Variants in IPO9 observed in about 807,000 individuals in gnomAD.
The protein encoded by IPO9 is importin-9.
A neutral mutation model predicts 128.6 loss-of-function variants in IPO9; 28 were observed. The observed-to-expected ratio is 0.22, with a 90% CI of 0.16 to 0.30. The LOEUF (loss-of-function observed/expected upper bound fraction) is 0.30. Among genes scored for constraint, IPO9 ranks in the 10% least tolerant of loss-of-function variants. IPO9 has a pLI of 1.00. For synonymous variants in IPO9, 455 were observed against 475.8 expected, an observed-to-expected ratio of 0.96 and a Z score of 0.57; for missense variants, 935 against 1,293.9, an observed-to-expected ratio of 0.72 and a Z score of 4.26.
chr1:201,848,094 A>G (rs539788316), intron 3 of IPO9, among the ~76,000 whole-genome samples: 13 of 152,334 alleles, frequency 8.5e-5, no homozygotes, highest in Admixed American at 5.2e-4. Flanking sequence ...AACAATAGCT[A>G]CTAGCTGCAT....
In IPO9 at chr1:201,874,340, C is replaced by T; in HGVS notation, c.2801C>T (p.Ala934Val). ...ELSNVMEANAARQATPAEWSQ... is the reference protein window; with the variant it reads ...ELSNVMEANAVRQATPAEWSQ... ...TCCAACGTCATGGAGGCTAATGCCG[C>T]TCGCCAGGCCACTCCTGCAGAGTGG... Residue 934 changes from alanine (A) to valine (V), a missense_variant, in exon 21 of 24, where the codon GCT becomes GTT. This residue lies in a region of IPO9 where 188 missense variants were observed against 246.7 expected (regional missense o/e 0.76). Coordinates refer to ENST00000361565, the MANE Select transcript of IPO9 (RefSeq NM_018085.5). The T allele has an allele frequency of 6.2e-7, 1 of 1,614,080 alleles. No homozygotes were observed. Among genetic ancestry groups the T allele is most frequent in the Non-Finnish European group, 8.5e-7 (1 of 1,179,994 alleles).
chr1:201,870,651 G>A lies in IPO9; in HGVS notation c.2202G>A (p.Glu734=), dbSNP rs1366774243. The change falls in exon 18 of 24, where the codon GAG becomes GAA. Residue 734 remains glutamate (E), a synonymous_variant. Coordinates refer to ENST00000361565, the MANE Select transcript of IPO9 (RefSeq NM_018085.5). The surrounding 1 kb of genome is among the most constrained non-coding windows in gnomAD (Gnocchi z 4.9). ...AACAAGTAGCCCAGTGGCATGATGA[G>A]CAGGGCCACAATGGACTGTGGTATG... ...TLEQVAQWHD[E]QGHNGLWYVM... The A allele has an allele frequency of 1.9e-6, 3 of 1,614,098 alleles. No individual in the cohort carries two copies. Among genetic ancestry groups the A allele is most frequent in the South Asian group, 2.2e-5 (2 of 91,092 alleles).
At position 201,870,442 on chromosome 1, in the gene IPO9, G is replaced by C; in HGVS notation, c.2134-141G>C. ...TAACAGTAAATGTCTTAACTCCAGT[G>C]GTATGAGCCCACCACAAACATTATA... On this transcript the variant is annotated intron_variant, in intron 17 of 23. Coordinates refer to ENST00000361565, the MANE Select transcript of IPO9 (RefSeq NM_018085.5). The surrounding 1 kb of genome is among the most constrained non-coding windows in gnomAD (Gnocchi z 4.9). 1 of 848,558 alleles carries C rather than the reference G, an allele frequency of 1.2e-6. No homozygotes were observed. The highest frequency in any genetic ancestry group is 1.8e-6 in the Non-Finnish European group (1 of 562,456). 52.6% of individuals were successfully genotyped at this position (848,558 alleles called of 1,614,324 possible).
At chr1:201,863,412 A>C in intron 13 of IPO9, 36 bp from the exon 14 acceptor site, 1 of 1,508,270 alleles carries the variant, frequency 6.6e-7, no homozygotes, top group Non-Finnish European at 9.0e-7. Context: ...AGGAATTTTC[A>C]TTTTCCAGCC....
rs1414685152 is a variant in IPO9, at chr1:201,883,729, C to T, written c.*7675C>T. The stretch of plus-strand genomic sequence containing the variant: ...AACAAACCAGGTAGCAGGATAGAGA[C>T]TCATTCTCATCTATTTTGGTTAAAA... On this transcript the variant is annotated 3_prime_UTR_variant, in exon 24 of 24. Coordinates refer to ENST00000361565, the MANE Select transcript of IPO9 (RefSeq NM_018085.5). 1 of 152,238 alleles carries T rather than the reference C, an allele frequency of 6.6e-6. No homozygotes were observed. The highest frequency in any genetic ancestry group is 2.4e-5 in the African/African-American group (1 of 41,464). 9.4% of individuals were successfully genotyped at this position (152,238 alleles called of 1,614,324 possible).
Position 201,872,888 on chromosome 1 carries a change from G to A in IPO9, c.2637G>A (p.Gln879=), listed in dbSNP as rs1297623571. 6.2e-7 allele frequency: 1 copy of A among 1,613,784 alleles called. No homozygotes were observed. The highest frequency in any genetic ancestry group is 8.5e-7 in the Non-Finnish European group (1 of 1,179,968). Residue 879 remains glutamine (Q), a synonymous_variant, in exon 20 of 24, where the codon CAG becomes CAA. Transcript: ENST00000361565. ...HGINADDKRL[Q]DIRVKGEEIY... is the part of the protein sequence containing the mutation. ...TCAATGCAGATGACAAACGGCTACA[G>A]GATATCCGTGTGAAGGGAGAGGAGA...
chr1:201,857,306 T>A (rs1406557406), intron 11 of IPO9, 112 bp downstream of exon 11: 2 of 698,574 alleles, frequency 2.9e-6, no homozygotes, highest in African/African-American at 3.6e-5. Flanking sequence ...TGGCTTTATC[T>A]CAGACTTTAT....
chr1:201,857,113 C>G lies in IPO9; in HGVS notation c.1140C>G (p.Ala380=), dbSNP rs1471149443. ...CTTTTCAGATTAAAGTATGGACAGC[C>G]AACCCCCAACAATTTGTAGAAGATG... The part of the protein sequence containing the change: ...ITEEQIKVWT[A]NPQQFVEDED... Residue 380 remains alanine (A), a synonymous_variant, in exon 11 of 24, where the codon GCC becomes GCG. Transcript: ENST00000361565. 1 of 1,610,650 alleles carries G rather than the reference C, an allele frequency of 6.2e-7. No individual in the cohort carries two copies. The highest frequency in any genetic ancestry group is 2.2e-5 in the East Asian group (1 of 44,860).
At chr1:201,867,801 G>A (rs1030813958) in intron 15 of IPO9, among the ~76,000 whole-genome samples, 4 of 151,928 alleles carry the variant, frequency 2.6e-5, no homozygotes, top group Admixed American at 6.6e-5. Context: ...AAGATGTACA[G>A]GATAAGGATT....
At chr1:201,867,370 A>G (rs540860215) in intron 15 of IPO9, among the ~76,000 whole-genome samples, 42 of 152,306 alleles carry the variant, frequency 2.8e-4, no homozygotes, top group Non-Finnish European at 5.1e-4. Flanking sequence ...GGTATTCACT[A>G]GATATTTTTT....
In IPO9 at chr1:201,840,610, TAAAAC is replaced by T. The variant is rs571386585; in HGVS notation, c.164-6664_164-6660del. Among the ~76,000 whole-genome samples the T allele has an allele frequency of 1.4e-3, 213 of 152,248 alleles. 1 individual carries two copies. Among genetic ancestry groups the T allele is most frequent in the Non-Finnish European group, 2.4e-3 (162 of 68,024 alleles). ...ATATTATTCACTGCAGCATTTTTAT[TAAAAC>T]AAAATATTAGAAAAAAACTAACTGT... On this transcript the variant is annotated intron_variant, in intron 1 of 23. Coordinates refer to ENST00000361565, the MANE Select transcript of IPO9 (RefSeq NM_018085.5).
In IPO9 at chr1:201,829,250, C is replaced by T. The variant is rs1301364427; in HGVS notation, c.41C>T (p.Pro14Leu). The T allele has an allele frequency of 6.3e-7, 1 of 1,583,848 alleles. No homozygotes were observed. Among genetic ancestry groups the T allele is most frequent in the African/African-American group, 1.4e-5 (1 of 72,168 alleles). The change falls in exon 1 of 24, where the codon CCG becomes CTG. Residue 14 changes from proline (P) to leucine (L), a missense_variant. Transcript: ENST00000361565. ...AAAAGAASGLPGPVAQGLKEA... is the reference protein window; with the variant it reads ...AAAAGAASGLLGPVAQGLKEA... ...GCAGCTGGTGCGGCCTCCGGGCTGC[C>T]GGGTCCAGTGGCACAAGGATTAAAG... is the stretch of plus-strand genomic sequence containing the variant.
intron 20 of IPO9, 38 bp from the exon 21 acceptor site, chr1:201,874,212 G>A (rs1222396487): frequency 1.9e-6 from 3 of 1,610,448 alleles, no homozygotes; most frequent in Non-Finnish European, 2.5e-6. Flanking sequence ...AGTAAGCTCA[G>A]TGACACTCTG....
intron 1 of IPO9, among the ~76,000 whole-genome samples, chr1:201,843,783 G>A (rs1467546586): frequency 6.7e-6 from 1 of 149,082 alleles, no homozygotes; most frequent in Non-Finnish European, 1.5e-5. Context: ...AACTGAGATA[G>A]CGCCACTGCA....
In IPO9 at chr1:201,871,064, T is replaced by C; in HGVS notation, c.2410-97T>C. ...CTTGTCCTGTGGATAATACCCTCAG[T>C]GTAGACTGTATTTCTTATCTGACTG... is the stretch of plus-strand genomic sequence containing the variant. On this transcript the variant is annotated intron_variant, in intron 18 of 23. Transcript: ENST00000361565. The C allele has an allele frequency of 2.3e-6, 3 of 1,320,332 alleles. No individual in the cohort carries two copies. In the East Asian group the frequency reaches 6.9e-5, roughly 31 times the overall value. The allele number at this position is 1,320,332 out of a possible 1,614,324, so 81.8% of individuals were successfully genotyped here. A position where few individuals can be genotyped will look rare whatever the true frequency, so the allele number is the denominator to read the frequency against.
rs777132020 is a variant in IPO9 at position 201,859,185 on chromosome 1, ATATATATAT to A, written c.1468+192_1468+200del. On this transcript the variant is annotated intron_variant, in intron 13 of 23. Transcript: ENST00000361565. ...TACCCTAGAACTCAAAGTATAATAT[ATATATATAT>A]ATATATATATATAAAGGAAACTCTT... Among the ~76,000 whole-genome samples the A allele has an allele frequency of 1.9e-3, 255 of 132,764 alleles. 7 individuals are homozygous for A. The highest frequency in any genetic ancestry group is 2.9e-3 in the Admixed American group (39 of 13,388). 87.1% of individuals were successfully genotyped at this position (132,764 alleles called of 152,430 possible).
At position 201,882,552 on chromosome 1, in the gene IPO9, T is replaced by C. The variant is rs984935555; in HGVS notation, c.*6498T>C. 6.6e-6 allele frequency: 1 copy of C among 151,766 alleles called. No homozygotes were observed. The highest frequency in any genetic ancestry group is 2.4e-5 in the African/African-American group (1 of 41,268). The allele number at this position is 151,766 out of a possible 1,614,324, so 9.4% of individuals were successfully genotyped here. On this transcript the variant is annotated 3_prime_UTR_variant, in exon 24 of 24. Coordinates refer to ENST00000361565, the MANE Select transcript of IPO9 (RefSeq NM_018085.5). Reference sequence around the variant, plus strand: ...CATTCCAGTTTTTTCCTTTTTTGAGTAACTGGGAAAAGGGTGGCATTACTG... The same window carrying C: ...CATTCCAGTTTTTTCCTTTTTTGAGCAACTGGGAAAAGGGTGGCATTACTG...
In IPO9 at chr1:201,882,894, C is replaced by T. The variant is rs535461355; in HGVS notation, c.*6840C>T. The T allele has an allele frequency of 1.3e-5, 2 of 152,772 alleles. No homozygotes were observed. The highest frequency in any genetic ancestry group is 4.1e-4 in the South Asian group (2 of 4,832). The allele number at this position is 152,772 out of a possible 1,614,324, so 9.5% of individuals were successfully genotyped here. On this transcript the variant is annotated 3_prime_UTR_variant, in exon 24 of 24. Coordinates refer to ENST00000361565, the MANE Select transcript of IPO9 (RefSeq NM_018085.5). ...GTGGAAGATGTCCCATCCTATCCCC[C>T]ACCCATAGCTGGGAGCTATGTTTGG... is the stretch of plus-strand genomic sequence containing the variant.
chr1:201,857,652 G>A (rs560310979), intron 11 of IPO9, among the ~76,000 whole-genome samples: 4 of 152,200 alleles, frequency 2.6e-5, no homozygotes, highest in Admixed American at 6.5e-5. Context: ...AAAATTAGCC[G>A]GGCGTGATGG....
Sources: gnomAD v4.1 joint callset for allele counts (sites outside exome capture counted in the v4.1 genomes callset) on GRCh38, gnomAD v4.1.1 for gene constraint, gnomAD v4.1.1 regional missense constraint, Gnocchi (gnomAD v3.1) non-coding constraint, MANE v1.5 for transcripts, NCBI Gene and HGNC (gene_info 2026-07-23, HGNC 2026-07-21) for gene names.